The following CPAP variants were observed in gnomAD, a reference collection of about 807,000 sequenced individuals.
The protein encoded by CPAP is centrosomal P4.1-associated protein.
At chr13:24,901,369 G>A in the CPAP span, among the ~76,000 whole-genome samples, 1 of 152,200 alleles carries the variant, frequency 6.6e-6, no homozygotes, top group Admixed American at 6.5e-5. Context: ...TTTAGCAGGT[G>A]AAAGATGGCA....
the CPAP span, among the ~76,000 whole-genome samples, chr13:24,891,089 C>A: frequency 6.6e-6 from 1 of 151,946 alleles, no homozygotes; most frequent in Non-Finnish European, 1.5e-5. Flanking sequence ...TCCAGAGAAA[C>A]AGTCCTTCTC....
At chr13:24,903,386 G>A in the CPAP span, among the ~76,000 whole-genome samples, 1 of 152,200 alleles carries the variant, frequency 6.6e-6, no homozygotes, top group Non-Finnish European at 1.5e-5. Flanking sequence ...ACACACAGAG[G>A]AGAATGCCAT....
At chr13:24,933,054 C>A in the CPAP span, 4 of 1,589,488 alleles carry the variant, frequency 2.5e-6, no homozygotes, top group Non-Finnish European at 3.5e-6. Context: ...AAGTGAAGTA[C>A]TTACCTCGGC....
the CPAP span, among the ~76,000 whole-genome samples, chr13:24,931,306 C>CT: frequency 4.4e-4 from 32 of 72,642 alleles, 1 homozygote; most frequent in African/African-American, 1.2e-3. Flanking sequence ...TTTCATGTTT[C>CT]TTTTTTTTTT....
the CPAP span, among the ~76,000 whole-genome samples, chr13:24,928,375 G>T: frequency 1.3e-5 from 2 of 152,220 alleles, no homozygotes; most frequent in Non-Finnish European, 2.9e-5. Context: ...CCTGCAGGAA[G>T]AGTGAAGGAG....
chr13:24,918,593 A>G, the CPAP span, among the ~76,000 whole-genome samples: 2 of 151,972 alleles, frequency 1.3e-5, no homozygotes, highest in Middle Eastern at 3.2e-3. Flanking sequence ...AAGCTAGAGA[A>G]GAAAAGTTAA....
chr13:24,905,308 T>G, the CPAP span: 1 of 1,585,750 alleles, frequency 6.3e-7, no homozygotes, highest in Non-Finnish European at 8.7e-7. Context: ...GTTAAATTTC[T>G]AACATTCTGA....
At chr13:24,915,453 A>T in the CPAP span, among the ~76,000 whole-genome samples, 2 of 152,198 alleles carry the variant, frequency 1.3e-5, no homozygotes, top group African/African-American at 4.8e-5. Context: ...CAGCATAAAG[A>T]TGGTATTTAA....
the CPAP span, chr13:24,904,139 G>A: frequency 6.8e-7 from 1 of 1,478,412 alleles, no homozygotes; most frequent in Non-Finnish European, 9.4e-7. Flanking sequence ...AACACTAAGA[G>A]CCAAGAATAT....
the CPAP span, chr13:24,922,944 A>C: frequency 2.6e-5 from 4 of 152,328 alleles, no homozygotes; most frequent in Non-Finnish European, 4.4e-5. Flanking sequence ...AGCCCAGTGA[A>C]ACTACAACTC....
At chr13:24,885,828 C>T in the CPAP span, 17 of 638,090 alleles carry the variant, frequency 2.7e-5, no homozygotes, top group African/African-American at 1.8e-4. Context: ...TGTAGTTCTC[C>T]GACACAGGTA....
At chr13:24,883,005 T>TATC in the CPAP span, 2 of 628,074 alleles carry the variant, frequency 3.2e-6, no homozygotes, top group Non-Finnish European at 5.6e-6. Flanking sequence ...AAATGAGAGC[T>TATC]ATCATTGCAT....
At chr13:24,901,817 C>T in the CPAP span, among the ~76,000 whole-genome samples, 575 of 152,250 alleles carry the variant, frequency 3.8e-3, 3 homozygotes, top group African/African-American at 0.013. Flanking sequence ...CATGGCAAAA[C>T]CCCGTATCTA....
the CPAP span, among the ~76,000 whole-genome samples, chr13:24,888,973 A>C: frequency 8.5e-5 from 13 of 152,136 alleles, no homozygotes; most frequent in Admixed American, 8.5e-4. Flanking sequence ...GCAAATACTT[A>C]TTGGTTGAGC....
At chr13:24,924,559 G>C in the CPAP span, 3 of 152,214 alleles carry the variant, frequency 2.0e-5, no homozygotes, top group African/African-American at 7.2e-5. Flanking sequence ...GGAAAGGCTA[G>C]TGGGGAGGAA....
At chr13:24,928,568 C>A in the CPAP span, among the ~76,000 whole-genome samples, 1 of 152,154 alleles carries the variant, frequency 6.6e-6, no homozygotes, top group Admixed American at 6.5e-5. Context: ...GTAGCTAGGA[C>A]TACAGGCACA....
At chr13:24,896,888 G>A in the CPAP span, among the ~76,000 whole-genome samples, 1,036 of 152,296 alleles carry the variant, frequency 6.8e-3, 9 homozygotes, top group Non-Finnish European at 9.4e-3. Context: ...TTTTAATTTA[G>A]TGAAGTTTTC....
chr13:24,883,206 C>T, the CPAP span: 5 of 1,613,864 alleles, frequency 3.1e-6, no homozygotes, highest in Non-Finnish European at 3.4e-6. Context: ...AGCACATTAC[C>T]CTCCTTGTCC....
chr13:24,894,743 G>C, the CPAP span, among the ~76,000 whole-genome samples: 1 of 152,116 alleles, frequency 6.6e-6, no homozygotes, highest in Non-Finnish European at 1.5e-5. Flanking sequence ...GGGCTCCGTG[G>C]GCGGGACACG....
Sources: allele counts gnomAD v4.1 joint callset (sites outside exome capture counted in the v4.1 genomes callset), GRCh38; gene constraint gnomAD v4.1.1; transcripts MANE v1.5; gene names NCBI Gene and HGNC (gene_info 2026-07-23, HGNC 2026-07-21).